Variants in YPEL1 observed in about 807,000 individuals in gnomAD.
YPEL1 encodes the protein yippee like 1.
A neutral mutation model predicts 17.3 loss-of-function variants in YPEL1; 7 were observed. The ratio of observed to expected loss-of-function variants is 0.40; its 90% CI spans 0.23 to 0.76. YPEL1 has a LOEUF of 0.76. YPEL1 is among the 30% of genes least tolerant of loss of function. The pLI, the probability that YPEL1 is intolerant of heterozygous loss-of-function variation, is 0.35. For missense variants in YPEL1, 91 were observed against 155.5 expected (o/e 0.59, Z 2.21); for synonymous variants, 59 against 59.6 (o/e 0.99, Z 0.05).
At chr22:21,714,749 CCCG>C (rs1277154749) in intron 1 of YPEL1, among the ~76,000 whole-genome samples, 1 of 152,186 alleles carries the variant, frequency 6.6e-6, no homozygotes, top group Non-Finnish European at 1.5e-5. Flanking sequence ...TGATCTTTAT[CCCG>C]CCAACTTGAT....
Position 21,700,094 on chromosome 22 carries a change from T to C in YPEL1, c.*1035A>G, listed in dbSNP as rs542704142. On this transcript the variant is annotated 3_prime_UTR_variant, in exon 5 of 5. Transcript: ENST00000339468. ...ACAAGCTAAAAACCAAAAATGCCCT[T>C]AGTGTATAAGTCTGTTGACTGCCTC... The C allele has an allele frequency of 8.5e-5, 13 of 152,498 alleles. No individual in the cohort carries two copies. Among genetic ancestry groups the C allele is most frequent in the African/African-American group, 2.6e-4 (11 of 41,590 alleles). 9.4% of individuals were successfully genotyped at this position (152,498 alleles called of 1,614,324 possible).
chr22:21,719,777 C>T (rs1185142251), intron 1 of YPEL1, among the ~76,000 whole-genome samples: 1 of 151,994 alleles, frequency 6.6e-6, no homozygotes, highest in African/African-American at 2.4e-5. Context: ...CCTGGAATCC[C>T]AGCACTTTGG....
intron 1 of YPEL1, among the ~76,000 whole-genome samples, chr22:21,724,780 T>C (rs925637819): frequency 1.3e-5 from 2 of 151,642 alleles, no homozygotes; most frequent in Non-Finnish European, 2.9e-5. Context: ...AAGGTTTCAC[T>C]ATGTTGCCCA....
intron 2 of YPEL1, among the ~76,000 whole-genome samples, chr22:21,708,197 C>T (rs940541415): frequency 5.9e-5 from 9 of 151,992 alleles, no homozygotes; most frequent in South Asian, 2.1e-4. Flanking sequence ...CCACCTCGCC[C>T]GGCCCATCAC....
intron 1 of YPEL1, among the ~76,000 whole-genome samples, chr22:21,728,348 C>T (rs1381498993): frequency 6.6e-6 from 1 of 152,178 alleles, no homozygotes; most frequent in East Asian, 1.9e-4. Flanking sequence ...AAGGCCACCG[C>T]CATCACGGAG....
At chr22:21,709,661 G>C (rs1480812279) in intron 2 of YPEL1, among the ~76,000 whole-genome samples, 1 of 152,136 alleles carries the variant, frequency 6.6e-6, no homozygotes, top group Non-Finnish European at 1.5e-5. Context: ...AAGAAGAAAA[G>C]ATTTCTGAAA....
chr22:21,734,878 G>T (rs1569068534), intron 1 of YPEL1, among the ~76,000 whole-genome samples: 1 of 152,148 alleles, frequency 6.6e-6, no homozygotes, highest in Non-Finnish European at 1.5e-5. Context: ...TCTTAGCAAA[G>T]GAAACATCAG....
intron 1 of YPEL1, among the ~76,000 whole-genome samples, chr22:21,713,461 C>T (rs1375620403): frequency 1.3e-5 from 2 of 152,160 alleles, no homozygotes; most frequent in African/African-American, 4.8e-5. Context: ...CCTGTCACAG[C>T]TACAGCATGG....
At chr22:21,704,660 A>G (rs941455160) in intron 2 of YPEL1, among the ~76,000 whole-genome samples, 1,133 of 83,542 alleles carry the variant, frequency 0.014, 10 homozygotes, top group African/African-American at 0.042. Context: ...CCCGTCTCGA[A>G]AAAAAAAAAA....
At chr22:21,701,679 T>C (rs776834524) in intron 4 of YPEL1, among the ~76,000 whole-genome samples, 6 of 152,140 alleles carry the variant, frequency 3.9e-5, no homozygotes, top group Non-Finnish European at 7.3e-5. Flanking sequence ...TTTAAGAGGC[T>C]TGAAGAGATG....
intron 1 of YPEL1, among the ~76,000 whole-genome samples, chr22:21,717,666 G>GA (rs1239452078): frequency 2.6e-5 from 4 of 152,194 alleles, no homozygotes; most frequent in South Asian, 2.1e-4. Context: ...AGATAAAGGG[G>GA]AAAAAAGTCT....
At chr22:21,725,075 T>G (rs2068321462) in intron 1 of YPEL1, among the ~76,000 whole-genome samples, 1 of 150,094 alleles carries the variant, frequency 6.7e-6, no homozygotes, top group South Asian at 2.1e-4. Context: ...GCCCGGCTAA[T>G]TTTATATTTT....
intron 1 of YPEL1, among the ~76,000 whole-genome samples, chr22:21,721,308 T>C (rs2068280331): frequency 6.6e-6 from 1 of 151,216 alleles, no homozygotes; most frequent in Admixed American, 6.6e-5. Context: ...TTAGTAGAGA[T>C]GAGGTTTCAC....
chr22:21,702,352 A>G (rs1182364778), intron 4 of YPEL1, among the ~76,000 whole-genome samples: 1 of 152,174 alleles, frequency 6.6e-6, no homozygotes, highest in Non-Finnish European at 1.5e-5. Flanking sequence ...GATGCGTGCT[A>G]GTCTTGTGGA....
intron 1 of YPEL1, among the ~76,000 whole-genome samples, chr22:21,717,054 A>G (rs1035391548): frequency 1.3e-5 from 2 of 152,134 alleles, no homozygotes; most frequent in Non-Finnish European, 2.9e-5. Flanking sequence ...ATACGTCAGA[A>G]TAAATTATGC....
intron 1 of YPEL1, among the ~76,000 whole-genome samples, chr22:21,719,822 T>G (rs549510181): frequency 1.3e-5 from 2 of 151,860 alleles, no homozygotes; most frequent in East Asian, 3.9e-4. Flanking sequence ...GGTCAGGAGT[T>G]CAAGACCAGC....
chr22:21,725,796 C>G (rs761418117), intron 1 of YPEL1, among the ~76,000 whole-genome samples: 28 of 150,212 alleles, frequency 1.9e-4, no homozygotes, highest in Admixed American at 7.3e-4. Flanking sequence ...AGTTCGAGAC[C>G]AGCCCAGGCA....
intron 1 of YPEL1, among the ~76,000 whole-genome samples, chr22:21,725,347 G>A (rs1407095258): frequency 6.6e-6 from 1 of 151,504 alleles, no homozygotes. Context: ...AGCCTCCCAA[G>A]TAGCTGGGAC....
chr22:21,725,985 C>G (rs1461440249), intron 1 of YPEL1, among the ~76,000 whole-genome samples: 2 of 152,060 alleles, frequency 1.3e-5, no homozygotes, highest in African/African-American at 2.4e-5. Context: ...GGCAACAGAC[C>G]GAGACCGTGT....
Sources: gnomAD v4.1 joint callset for allele counts (sites outside exome capture counted in the v4.1 genomes callset) on GRCh38, gnomAD v4.1.1 for gene constraint, MANE v1.5 for transcripts, NCBI Gene and HGNC (gene_info 2026-07-23, HGNC 2026-07-21) for gene names.